Variants in SH3GL3 observed in about 807,000 individuals in gnomAD.
The protein encoded by SH3GL3 is SH3 domain containing GRB2 like 3, endophilin A3.
Under a neutral mutation model 47.7 loss-of-function variants are expected in SH3GL3, and 33 were observed. That is an observed-to-expected ratio of 0.69 (90% CI 0.52 to 0.92). The LOEUF (loss-of-function observed/expected upper bound fraction) is 0.92, where lower values mean the gene tolerates loss of function less well. Ranked by LOEUF, SH3GL3 falls within the 40% of genes least tolerant of loss-of-function variation. The pLI, the probability that SH3GL3 is intolerant of heterozygous loss-of-function variation, is 0.00. For missense variants in SH3GL3, 363 were observed against 417.8 expected, an observed-to-expected ratio of 0.87 and a Z score of 1.14; for synonymous variants, 155 against 148.8, an observed-to-expected ratio of 1.04 and a Z score of -0.30.
intron 2 of SH3GL3, among the ~76,000 whole-genome samples, chr15:83,560,104 T>C (rs1266998275): frequency 6.6e-6 from 1 of 152,120 alleles, no homozygotes. Flanking sequence ...ATAGCCTTGT[T>C]TTAATAATTA....
chr15:83,622,295 A>G (rs79636332), downstream of SH3GL3, among the ~76,000 whole-genome samples: 125 of 152,280 alleles, frequency 8.2e-4, no homozygotes, highest in Non-Finnish European at 1.5e-3. Context: ...TTTCTGCTTT[A>G]CTACATCCCA....
At chr15:83,586,557 T>C (rs2059960778) in intron 6 of SH3GL3, among the ~76,000 whole-genome samples, 1 of 152,216 alleles carries the variant, frequency 6.6e-6, no homozygotes, top group Non-Finnish European at 1.5e-5. Context: ...ATGTACTTAA[T>C]GTCTTGATTT....
At chr15:83,603,472 A>G (rs1266020358) in intron 8 of SH3GL3, among the ~76,000 whole-genome samples, 1 of 152,204 alleles carries the variant, frequency 6.6e-6, no homozygotes, top group Non-Finnish European at 1.5e-5. Flanking sequence ...CACCTGAAAC[A>G]GCAGATTTGA....
At chr15:83,486,836 G>A (rs1206489649) in intron 1 of SH3GL3, among the ~76,000 whole-genome samples, 2 of 152,194 alleles carry the variant, frequency 1.3e-5, no homozygotes, top group African/African-American at 2.4e-5. Context: ...CTCTTGGAAA[G>A]GGCCCGCTTC....
chr15:83,558,200 C>T (rs746404613), intron 1 of SH3GL3, among the ~76,000 whole-genome samples: 20 of 152,096 alleles, frequency 1.3e-4, no homozygotes, highest in Non-Finnish European at 2.9e-4. Flanking sequence ...TTGTCTTCCT[C>T]GTTCTTTAAT....
At chr15:83,586,877 A>T (rs2059968843) in intron 6 of SH3GL3, 106 bp from the exon 7 acceptor site, 1 of 562,990 alleles carries the variant, frequency 1.8e-6, no homozygotes. Context: ...ACCAAGGCAG[A>T]CACTGGTCTT....
rs1296928509 is a variant in SH3GL3, at chr15:83,618,313, C to G, written c.*26C>G. On this transcript the variant is annotated 3_prime_UTR_variant, in exon 9 of 9. Coordinates refer to ENST00000427482, the MANE Select transcript of SH3GL3 (RefSeq NM_003027.5). ...ATGTGTAACACAAACTCTGGACATACTTTCGTAACTGAAATGAATTCACAC... is the reference window on the plus strand; with the variant it reads ...ATGTGTAACACAAACTCTGGACATAGTTTCGTAACTGAAATGAATTCACAC... The G allele has an allele frequency of 7.1e-7, 1 of 1,416,208 alleles. No individual in the cohort carries two copies. The highest frequency in any genetic ancestry group is 1.1e-5 in the South Asian group (1 of 87,030). The allele number at this position is 1,416,208 out of a possible 1,614,324, so 87.7% of individuals were successfully genotyped here.
At chr15:83,571,832 G>A (rs777730656) in intron 4 of SH3GL3, among the ~76,000 whole-genome samples, 1 of 152,156 alleles carries the variant, frequency 6.6e-6, no homozygotes, top group African/African-American at 2.4e-5. Context: ...TAGAGACCCT[G>A]CAACCCTCAT....
At chr15:83,483,524 G>A (rs543141220) in intron 1 of SH3GL3, among the ~76,000 whole-genome samples, 97 of 152,184 alleles carry the variant, frequency 6.4e-4, no homozygotes, top group Non-Finnish European at 1.1e-3. Context: ...TCATGAGGAC[G>A]GCTTCCTGTG....
chr15:83,460,126 G>A (rs1483651051), intron 1 of SH3GL3, among the ~76,000 whole-genome samples: 1 of 137,294 alleles, frequency 7.3e-6, no homozygotes, highest in Admixed American at 7.2e-5. Flanking sequence ...TCCTTGACAG[G>A]GTCTTGCTGT....
intron 1 of SH3GL3, among the ~76,000 whole-genome samples, chr15:83,478,573 T>C (rs919898918): frequency 1.3e-5 from 2 of 152,278 alleles, no homozygotes; most frequent in Non-Finnish European, 2.9e-5. Context: ...GTGCTTTATA[T>C]ATGATATATG....
intron 1 of SH3GL3, among the ~76,000 whole-genome samples, chr15:83,522,850 T>A (rs1172679448): frequency 6.6e-6 from 1 of 152,162 alleles, no homozygotes; most frequent in Non-Finnish European, 1.5e-5. Context: ...TGAAAACCTA[T>A]TTTTAAAAAC....
intron 1 of SH3GL3, among the ~76,000 whole-genome samples, chr15:83,521,958 C>T (rs1049471089): frequency 6.6e-6 from 1 of 152,052 alleles, no homozygotes; most frequent in Non-Finnish European, 1.5e-5. Context: ...GTCTCATTCT[C>T]GCCACTTTTC....
At chr15:83,591,909 G>GCAAA (rs1271447183) in intron 8 of SH3GL3, among the ~76,000 whole-genome samples, 10 of 151,502 alleles carry the variant, frequency 6.6e-5, no homozygotes, top group African/African-American at 1.5e-4. Flanking sequence ...TCCTGACCTT[G>GCAAA]TGATCCGCCC....
intron 8 of SH3GL3, among the ~76,000 whole-genome samples, chr15:83,593,768 C>G (rs2060166387): frequency 6.6e-6 from 1 of 152,010 alleles, no homozygotes; most frequent in Non-Finnish European, 1.5e-5. Flanking sequence ...AGGGGAGAAG[C>G]ATTCAATACT....
At chr15:83,474,294 A>T (rs143678157) in intron 1 of SH3GL3, among the ~76,000 whole-genome samples, 303 of 152,286 alleles carry the variant, frequency 2.0e-3, no homozygotes, top group African/African-American at 7.0e-3. Context: ...GGTAGCGATG[A>T]TGGTGAATTG....
At position 83,618,508 on chromosome 15, in the gene SH3GL3, A is replaced by G. The variant is rs954620044; in HGVS notation, c.*221A>G. ...TTTTCTTTTTTGCTTCCTGTCCTAA[A>G]AGTCATTGGTTAAATGTATTTGCTT... On this transcript the variant is annotated 3_prime_UTR_variant, in exon 9 of 9. Transcript: ENST00000427482. 3 of 512,910 alleles carry G rather than the reference A, an allele frequency of 5.8e-6. No homozygotes were observed. Among genetic ancestry groups the G allele is most frequent in the Non-Finnish European group, 1.0e-5 (3 of 286,638 alleles). The allele number at this position is 512,910 out of a possible 1,614,324, so 31.8% of individuals were successfully genotyped here.
chr15:83,570,759 G>A (rs139521259), intron 4 of SH3GL3, among the ~76,000 whole-genome samples: 10 of 152,254 alleles, frequency 6.6e-5, no homozygotes, highest in Non-Finnish European at 1.0e-4. Flanking sequence ...ATTAAAACAC[G>A]AATTAATTAG....
intron 3 of SH3GL3, among the ~76,000 whole-genome samples, chr15:83,567,414 C>G (rs2045601224): frequency 6.6e-6 from 1 of 152,196 alleles, no homozygotes. Context: ...AAGCCTGTCT[C>G]TGGAGTCCCA....
Sources: gnomAD v4.1 joint callset for allele counts (sites outside exome capture counted in the v4.1 genomes callset) on GRCh38, gnomAD v4.1.1 for gene constraint, MANE v1.5 for transcripts, NCBI Gene and HGNC (gene_info 2026-07-23, HGNC 2026-07-21) for gene names.